Variants in MYOF observed in about 807,000 individuals in gnomAD.
The protein encoded by MYOF is fer-1-like 3, myoferlin.
In MYOF, 244 loss-of-function variants were observed where a neutral mutation model predicts 284.2. That is an observed-to-expected ratio of 0.86 (90% CI 0.77 to 0.95). The LOEUF (loss-of-function observed/expected upper bound fraction) is 0.95. MYOF is among the 40% of genes least tolerant of loss of function. The pLI, the probability that MYOF is intolerant of heterozygous loss-of-function variation, is 0.00. For synonymous variants in MYOF, 904 were observed against 919.7 expected (o/e 0.98, Z 0.31); for missense variants, 2,496 against 2,560.6 (o/e 0.97, Z 0.54).
intron 18 of MYOF, 42 bp downstream of exon 18, chr10:93,388,988 T>C (rs1846538266): frequency 1.6e-5 from 26 of 1,600,166 alleles, no homozygotes; most frequent in Non-Finnish European, 2.1e-5. Flanking sequence ...ATAATCACCT[T>C]AACCAATGCT....
chr10:93,319,663 T>C (rs150960842), intron 49 of MYOF, among the ~76,000 whole-genome samples: 137 of 152,196 alleles, frequency 9.0e-4, no homozygotes, highest in Non-Finnish European at 1.5e-3. Context: ...GGAAAGAAAG[T>C]TGTGCTCCTC....
intron 5 of MYOF, among the ~76,000 whole-genome samples, chr10:93,418,022 GTGAT>G (rs1848204846): frequency 6.6e-6 from 1 of 152,144 alleles, no homozygotes; most frequent in African/African-American, 2.4e-5. Flanking sequence ...CTAGTCTCAA[GTGAT>G]CCCAGGCTCA....
chr10:93,320,264 A>C (rs1254048215), intron 48 of MYOF, among the ~76,000 whole-genome samples: 16 of 152,228 alleles, frequency 1.1e-4, no homozygotes, highest in Admixed American at 1.0e-3. Context: ...TTCAGTTAAC[A>C]GGGCTAAGGT....
chr10:93,482,045 G>C (rs1043692119), intron 1 of MYOF, 62 bp downstream of exon 1: 3 of 1,464,716 alleles, frequency 2.0e-6, no homozygotes, highest in Admixed American at 1.7e-5. Flanking sequence ...TTTCAAGAAG[G>C]TGACTCAAGA....
intron 7 of MYOF, among the ~76,000 whole-genome samples, chr10:93,405,794 ATTTTTTT>A (rs3866906): frequency 0.041 from 4,668 of 113,824 alleles, 266 homozygotes; most frequent in African/African-American, 0.13. Flanking sequence ...ACAGGCTAGG[ATTTTTTT>A]TTTTTTTTTT....
intron 53 of MYOF, among the ~76,000 whole-genome samples, chr10:93,308,834 C>A (rs1314091788): frequency 6.6e-6 from 1 of 152,006 alleles, no homozygotes; most frequent in Non-Finnish European, 1.5e-5. Flanking sequence ...ATCTTAGCAT[C>A]CCTAGTAGCT....
chr10:93,322,042 G>A (rs1842863612), intron 48 of MYOF, among the ~76,000 whole-genome samples: 1 of 151,518 alleles, frequency 6.6e-6, no homozygotes, highest in Non-Finnish European at 1.5e-5. Context: ...AAATAAATTT[G>A]CATATATATA....
At chr10:93,320,956 T>A (rs1842818378) in intron 48 of MYOF, among the ~76,000 whole-genome samples, 1 of 152,096 alleles carries the variant, frequency 6.6e-6, no homozygotes, top group Non-Finnish European at 1.5e-5. Context: ...TAAAATAAGA[T>A]TAATGATATG....
chr10:93,471,982 A>G (rs944291855), intron 1 of MYOF, among the ~76,000 whole-genome samples: 2 of 151,926 alleles, frequency 1.3e-5, no homozygotes, highest in East Asian at 1.9e-4. Flanking sequence ...TGGCTCTACT[A>G]TGGTTCCCAG....
chr10:93,343,006 A>G (rs1413262079), intron 38 of MYOF, among the ~76,000 whole-genome samples: 1 of 152,048 alleles, frequency 6.6e-6, no homozygotes, highest in East Asian at 1.9e-4. Flanking sequence ...ACTATATTTT[A>G]TATGGTCCAG....
At chr10:93,426,721 T>G (rs1349566487) in intron 4 of MYOF, among the ~76,000 whole-genome samples, 2 of 151,992 alleles carry the variant, frequency 1.3e-5, no homozygotes, top group Admixed American at 1.3e-4. Flanking sequence ...AAACCTTGTC[T>G]CTACTAAAAA....
intron 3 of MYOF, among the ~76,000 whole-genome samples, chr10:93,431,752 T>TC (rs1395707227): frequency 1.3e-5 from 2 of 150,280 alleles, no homozygotes; most frequent in African/African-American, 4.9e-5. Context: ...TTTTCTTTTT[T>TC]TTTTTTTTTT....
intron 1 of MYOF, among the ~76,000 whole-genome samples, chr10:93,481,577 A>G (rs1589632579): frequency 6.6e-6 from 1 of 152,312 alleles, no homozygotes; most frequent in East Asian, 1.9e-4. Context: ...GCTCCCCAAC[A>G]GTTTAGATAT....
rs948172754 is a variant in MYOF at position 93,389,051 on chromosome 10, A to G, written c.1560T>C (p.Tyr520=). 6.2e-7 allele frequency: 1 copy of G among 1,614,078 alleles called. No individual in the cohort carries two copies. Among genetic ancestry groups the G allele is most frequent in the African/African-American group, 1.3e-5 (1 of 75,060 alleles). ...CAACCTTTCCAGTATTCAGCTCATC[A>G]TAGGGGTCTGGGAATCCCGTGTACT... is the stretch of plus-strand genomic sequence containing the variant. ...PREYTGFPDP[Y]DELNTGKGEG... The change falls in exon 18 of 54, where the codon TAT becomes TAC. Residue 520 remains tyrosine, a synonymous_variant. Coordinates refer to ENST00000359263, the MANE Select transcript of MYOF (RefSeq NM_013451.4).
intron 44 of MYOF, among the ~76,000 whole-genome samples, chr10:93,329,439 G>A (rs1029598725): frequency 2.3e-4 from 35 of 152,306 alleles, no homozygotes; most frequent in Non-Finnish European, 3.2e-4. Flanking sequence ...ATTCCCCAGC[G>A]CACAGCACTG....
intron 27 of MYOF, among the ~76,000 whole-genome samples, chr10:93,362,521 A>G (rs1171490174): frequency 6.6e-6 from 1 of 152,178 alleles, no homozygotes; most frequent in Non-Finnish European, 1.5e-5. Flanking sequence ...CTGGGATTAC[A>G]GGTGTGACCC....
chr10:93,461,689 C>T (rs17108714), intron 1 of MYOF, among the ~76,000 whole-genome samples: 7,365 of 152,186 alleles, frequency 0.048, 411 homozygotes, highest in East Asian at 0.25. Context: ...CCAGCTGGAA[C>T]CAAAGAGCAT....
At chr10:93,395,045 C>G (rs1296673646) in intron 16 of MYOF, among the ~76,000 whole-genome samples, 1 of 151,812 alleles carries the variant, frequency 6.6e-6, no homozygotes, top group Non-Finnish European at 1.5e-5. Flanking sequence ...TTGAGTTGCC[C>G]AAGATAAAAT....
chr10:93,477,715 C>T (rs1472568530), intron 1 of MYOF, among the ~76,000 whole-genome samples: 3 of 151,738 alleles, frequency 2.0e-5, no homozygotes, highest in African/African-American at 2.4e-5. Context: ...GGCGTGATGG[C>T]GGGCGCCTGT....
Sources: allele counts gnomAD v4.1 joint callset (sites outside exome capture counted in the v4.1 genomes callset), GRCh38; gene constraint gnomAD v4.1.1; transcripts MANE v1.5; gene names NCBI Gene and HGNC (gene_info 2026-07-23, HGNC 2026-07-21).